The following BCAR3 variants were observed in gnomAD, a reference collection of about 807,000 sequenced individuals.
The protein encoded by BCAR3 is breast cancer anti-estrogen resistance protein 3.
BCAR3 carries 37 observed loss-of-function variants against 80.1 expected under a neutral mutation model. That is an observed-to-expected ratio of 0.46 (90% CI 0.36 to 0.61). BCAR3 has a LOEUF of 0.61. Among genes scored for constraint, BCAR3 ranks in the 20% least tolerant of loss-of-function variants. The pLI is 0.00. For missense variants in BCAR3, 978 were observed against 1,068.2 expected (o/e 0.92, Z 1.18); for synonymous variants, 389 against 418.9 (o/e 0.93, Z 0.87).
intron 2 of BCAR3, among the ~76,000 whole-genome samples, chr1:93,726,865 T>A (rs2100677667): frequency 6.6e-6 from 1 of 152,346 alleles, no homozygotes; most frequent in South Asian, 2.1e-4. Flanking sequence ...TGATTTTGTA[T>A]TTATCAACAG....
chr1:93,731,804 G>T (rs1337696797), intron 2 of BCAR3, among the ~76,000 whole-genome samples: 1 of 152,204 alleles, frequency 6.6e-6, no homozygotes, highest in African/African-American at 2.4e-5. Context: ...TTCAGGCATA[G>T]TGCCCCAAGT....
intron 2 of BCAR3, among the ~76,000 whole-genome samples, chr1:93,790,651 A>ATTTTT: frequency 1.2e-5 from 1 of 83,534 alleles, no homozygotes; most frequent in African/African-American, 4.1e-5. Context: ...TTTTTTCTTA[A>ATTTTT]TTTTTTTTTT....
At chr1:93,569,134 T>C (rs1673101166) in intron 9 of BCAR3, among the ~76,000 whole-genome samples, 1 of 152,192 alleles carries the variant, frequency 6.6e-6, no homozygotes, top group Admixed American at 6.6e-5. Flanking sequence ...TATGTTAAGT[T>C]TTCTACATGA....
At chr1:93,684,107 T>A (rs1648893022), upstream of BCAR3, among the ~76,000 whole-genome samples, 1 of 152,212 alleles carries the variant, frequency 6.6e-6, no homozygotes, top group South Asian at 2.1e-4. Flanking sequence ...CATGAATATT[T>A]GATTTTTGTT....
intron 2 of BCAR3, among the ~76,000 whole-genome samples, chr1:93,719,531 ATGGGGTTTCAC>A (rs910144283): frequency 1.4e-4 from 21 of 151,542 alleles, no homozygotes; most frequent in African/African-American, 5.1e-4. Context: ...TTTAGTAGAG[ATGGGGTTTCAC>A]TGTGTTAACC....
At chr1:93,692,658 TG>T (rs1185481664) in intron 3 of BCAR3, among the ~76,000 whole-genome samples, 3 of 152,220 alleles carry the variant, frequency 2.0e-5, no homozygotes, top group Admixed American at 2.0e-4. Flanking sequence ...TTCACAGAGC[TG>T]GGATGTGGAG....
At chr1:93,816,375 T>C (rs976276871) in intron 2 of BCAR3, among the ~76,000 whole-genome samples, 1 of 152,170 alleles carries the variant, frequency 6.6e-6, no homozygotes, top group African/African-American at 2.4e-5. Flanking sequence ...CAAAATCCTT[T>C]AGAAATTAAA....
rs137924114 is a variant in BCAR3, at chr1:93,640,922, T to TA, written c.357+1381dup. ...GGAGTGATTTTTAAAGAGCTGTTGTTACACACTGCAGAATTCTAGAGTGCA... is the reference window on the plus strand; with the variant it reads ...GGAGTGATTTTTAAAGAGCTGTTGTTAACACACTGCAGAATTCTAGAGTGCA... On this transcript the variant is annotated intron_variant, in intron 3 of 11. Coordinates refer to ENST00000260502, the MANE Select transcript of BCAR3 (RefSeq NM_003567.4). 3.5e-3 allele frequency among the ~76,000 whole-genome samples: 536 copies of TA among 152,346 alleles called. 3 individuals carry two copies. Among genetic ancestry groups the TA allele is most frequent in the African/African-American group, 0.012 (500 of 41,582 alleles).
intron 2 of BCAR3, among the ~76,000 whole-genome samples, chr1:93,708,746 C>G (rs1406318196): frequency 1.3e-5 from 2 of 152,212 alleles, no homozygotes; most frequent in Non-Finnish European, 2.9e-5. Flanking sequence ...AAGACCATCT[C>G]AATAATCCCC....
At chr1:93,793,405 G>T (rs1385392668) in intron 2 of BCAR3, among the ~76,000 whole-genome samples, 4 of 18,056 alleles carry the variant, frequency 2.2e-4, no homozygotes, top group Admixed American at 7.9e-4. Context: ...GTCGAGGAAT[G>T]TATCCATTTC....
At chr1:93,741,900 T>C (rs1196517745) in intron 2 of BCAR3, among the ~76,000 whole-genome samples, 1 of 152,198 alleles carries the variant, frequency 6.6e-6, no homozygotes, top group Non-Finnish European at 1.5e-5. Context: ...TTCACAATGA[T>C]GTGGTAAGGA....
At chr1:93,652,317 T>A (rs1278303037) in intron 2 of BCAR3, among the ~76,000 whole-genome samples, 1 of 152,178 alleles carries the variant, frequency 6.6e-6, no homozygotes, top group Non-Finnish European at 1.5e-5. Context: ...AGTTAATGCA[T>A]TACAAATCCA....
At chr1:93,786,503 A>G (rs1652952551) in intron 2 of BCAR3, among the ~76,000 whole-genome samples, 1 of 152,224 alleles carries the variant, frequency 6.6e-6, no homozygotes, top group South Asian at 2.1e-4. Flanking sequence ...AGTCTTGCCT[A>G]AATTACAGAT....
At position 93,592,331 on chromosome 1, in the gene BCAR3, C is replaced by G; in HGVS notation, c.420G>C (p.Glu140Asp). The G allele has an allele frequency of 6.2e-7, 1 of 1,610,450 alleles. No homozygotes were observed. The highest frequency in any genetic ancestry group is 1.3e-5 in the African/African-American group (1 of 74,866). Residue 140 changes from glutamate to aspartate, a missense_variant, in exon 4 of 12, where the codon GAG (glutamate) becomes GAC (aspartate). By Grantham distance (45) the Glu-to-Asp change is conservative. Coordinates refer to ENST00000260502, the MANE Select transcript of BCAR3 (RefSeq NM_003567.4). This position sits in a 1 kb window ranked among gnomAD's most constrained non-coding sequence, Gnocchi z 4.8. ...GGTCCTCGCTGCTCAGGAGCAGCTC[C>G]TCCTCCAGCTCCTTCTTCAGTTTCT... ...TPEKLKKELE[E>D]ELLLSSEDLR...
At chr1:93,641,571 G>A (rs999506313) in intron 3 of BCAR3, among the ~76,000 whole-genome samples, 1 of 152,226 alleles carries the variant, frequency 6.6e-6, no homozygotes, top group African/African-American at 2.4e-5. Context: ...GAGGCAGAGG[G>A]AAGAAGTGAA....
intron 2 of BCAR3, among the ~76,000 whole-genome samples, chr1:93,662,836 A>C (rs370579097): frequency 8.1e-4 from 123 of 152,276 alleles, no homozygotes; most frequent in African/African-American, 2.9e-3. Flanking sequence ...TCCACTTTAT[A>C]ATAGAATATT....
chr1:93,726,095 G>A (rs1650572995), intron 2 of BCAR3, among the ~76,000 whole-genome samples: 1 of 151,722 alleles, frequency 6.6e-6, no homozygotes, highest in African/African-American at 2.4e-5. Context: ...GAGACAGGGT[G>A]TCACTCAGTT....
intron 2 of BCAR3, among the ~76,000 whole-genome samples, chr1:93,779,061 G>A (rs369899010): frequency 6.6e-6 from 1 of 152,178 alleles, no homozygotes; most frequent in Non-Finnish European, 1.5e-5. Flanking sequence ...CAAGATGGGA[G>A]GAGGAGTGGT....
intron 2 of BCAR3, among the ~76,000 whole-genome samples, chr1:93,733,830 G>A (rs1317672421): frequency 6.6e-6 from 1 of 152,210 alleles, no homozygotes; most frequent in African/African-American, 2.4e-5. Context: ...CTAGTATAAA[G>A]GTTATTCAAA....
Sources: allele counts gnomAD v4.1 joint callset (sites outside exome capture counted in the v4.1 genomes callset), GRCh38; gene constraint gnomAD v4.1.1; non-coding constraint Gnocchi (gnomAD v3.1); transcripts MANE v1.5; gene names NCBI Gene and HGNC (gene_info 2026-07-23, HGNC 2026-07-21).